MACO1: variants seen among roughly 807,000 people sequenced by gnomAD.
MACO1 encodes the protein macoilin 1.
A neutral mutation model predicts 78.7 loss-of-function variants in MACO1; 14 were observed. The observed-to-expected ratio is 0.18, with a 90% CI of 0.12 to 0.28. MACO1 has a LOEUF of 0.28. Ranked by LOEUF, MACO1 falls within the 10% of genes least tolerant of loss-of-function variation. The pLI is 1.00. For missense variants in MACO1, 501 were observed against 799.0 expected (o/e 0.63, Z 4.50); for synonymous variants, 288 against 291.6 (o/e 0.99, Z 0.12).
In MACO1 at chr1:25,498,664, A is replaced by G. The variant is rs1484376793; in HGVS notation, c.*198A>G. The G allele has an allele frequency of 4.1e-5, 21 of 507,446 alleles. No homozygotes were observed. In the Admixed American group the frequency reaches 7.5e-4, roughly 18 times the overall value. 31.4% of individuals were successfully genotyped at this position (507,446 alleles called of 1,614,324 possible). ...TCAGTTTTTCTTGTAAATTTTTAGA[A>G]GACCTCACAGAACTTTACAGTTTAT... On this transcript the variant is annotated 3_prime_UTR_variant, in exon 11 of 11. Coordinates refer to ENST00000374343, the MANE Select transcript of MACO1 (RefSeq NM_018202.6).
rs34491689 is a variant in MACO1 at position 25,500,011 on chromosome 1, A to C, written c.*1545A>C. On this transcript the variant is annotated 3_prime_UTR_variant, in exon 11 of 11. Transcript: ENST00000374343. ...TTTTGAATCATCTTGTGTAATTGTC[A>C]CCATGAAAGTGTTACTCAGAATTGT... The C allele has an allele frequency of 6.6e-6, 1 of 152,002 alleles. No homozygotes were observed. Among genetic ancestry groups the C allele is most frequent in the African/African-American group, 2.4e-5 (1 of 41,400 alleles). The allele number at this position is 152,002 out of a possible 1,614,324, so 9.4% of individuals were successfully genotyped here. A position where few individuals can be genotyped will look rare whatever the true frequency, so the allele number is the denominator to read the frequency against.
In MACO1 at chr1:25,439,998, A is replaced by G. The variant is rs188610339; in HGVS notation, c.81-6764A>G. On this transcript the variant is annotated intron_variant, in intron 1 of 10. Coordinates refer to ENST00000374343, the MANE Select transcript of MACO1 (RefSeq NM_018202.6). ...GTACCATTGCATTCTAGCCTGGGCA[A>G]CAAGCGAAACTCTGTCTCAAAAAAA... Among the ~76,000 whole-genome samples the G allele has an allele frequency of 8.6e-4, 121 of 140,766 alleles. 1 individual carries two copies. The highest frequency in any genetic ancestry group is 3.5e-3 in the Middle Eastern group (1 of 288). 92.3% of individuals were successfully genotyped at this position (140,766 alleles called of 152,430 possible).
chr1:25,475,367 G>C (rs2043312547), intron 6 of MACO1, among the ~76,000 whole-genome samples: 1 of 151,698 alleles, frequency 6.6e-6, no homozygotes, highest in Admixed American at 6.6e-5. Flanking sequence ...ACAAAAAACA[G>C]GCATTCTCTG....
intron 8 of MACO1, 83 bp from the exon 9 acceptor site, chr1:25,489,090 G>T: frequency 6.7e-7 from 1 of 1,493,462 alleles, no homozygotes; most frequent in East Asian, 2.5e-5. Context: ...CAAAGTGCTG[G>T]GATTACAGGC....
intron 6 of MACO1, among the ~76,000 whole-genome samples, chr1:25,464,641 G>A (rs896376786): frequency 2.9e-5 from 4 of 136,042 alleles, no homozygotes; most frequent in Admixed American, 1.6e-4. Flanking sequence ...CACCGCACCC[G>A]TCTATAATTT....
intron 3 of MACO1, among the ~76,000 whole-genome samples, chr1:25,452,587 C>A (rs2124581000): frequency 6.6e-6 from 1 of 152,136 alleles, no homozygotes; most frequent in South Asian, 2.1e-4. Flanking sequence ...CTTCCTCATT[C>A]TTTAGGAACC....
rs115496727 is a variant in MACO1, at chr1:25,459,631, C to T, written c.1154+739C>T. Among the ~76,000 whole-genome samples, 1,137 of 151,936 alleles carry T rather than the reference C, an allele frequency of 7.5e-3. 16 individuals are homozygous for T. The highest frequency in any genetic ancestry group is 0.026 in the African/African-American group (1,084 of 41,444). Reference sequence around the variant, plus strand: ...CTGGGATTATAGGTGCTTGCCGCCACGCCAGGCTAATTTTTTTGTATTTTT... The same window carrying T: ...CTGGGATTATAGGTGCTTGCCGCCATGCCAGGCTAATTTTTTTGTATTTTT... On this transcript the variant is annotated intron_variant, in intron 6 of 10. Transcript: ENST00000374343.
At chr1:25,475,154 C>T (rs1254709323) in intron 6 of MACO1, among the ~76,000 whole-genome samples, 4 of 151,852 alleles carry the variant, frequency 2.6e-5, no homozygotes, top group African/African-American at 4.8e-5. Flanking sequence ...ACCATCCTGG[C>T]TAACACGGTG....
intron 6 of MACO1, 98 bp downstream of exon 6, chr1:25,458,990 G>A (rs964590631): frequency 2.1e-6 from 3 of 1,438,484 alleles, no homozygotes; most frequent in Admixed American, 4.5e-5. Context: ...TTTGTAATCA[G>A]ATATTGTGAC....
chr1:25,431,803 T>C (rs2042874867), intron 1 of MACO1, among the ~76,000 whole-genome samples: 1 of 152,236 alleles, frequency 6.6e-6, no homozygotes. Context: ...CCTGTGGCCC[T>C]GCTCCAGATT....
intron 6 of MACO1, among the ~76,000 whole-genome samples, chr1:25,462,354 A>G (rs1462156275): frequency 1.3e-5 from 2 of 152,122 alleles, no homozygotes; most frequent in East Asian, 3.9e-4. Flanking sequence ...TTGCAAGGGC[A>G]TATTGCATGA....
At chr1:25,497,443 A>G (rs1043827245) in intron 10 of MACO1, among the ~76,000 whole-genome samples, 11 of 152,072 alleles carry the variant, frequency 7.2e-5, no homozygotes, top group African/African-American at 2.2e-4. Flanking sequence ...GCTCAGGGAA[A>G]GTTTTGCTGA....
At chr1:25,431,444 G>T (rs1251866632) in intron 1 of MACO1, among the ~76,000 whole-genome samples, 1 of 150,118 alleles carries the variant, frequency 6.7e-6, no homozygotes, top group African/African-American at 2.4e-5. Context: ...GAAGCGCCGG[G>T]CCCGCCGGGG....
intron 1 of MACO1, among the ~76,000 whole-genome samples, chr1:25,436,276 A>G (rs2042918456): frequency 6.6e-6 from 1 of 151,062 alleles, no homozygotes; most frequent in African/African-American, 2.5e-5. Context: ...AGATCTCCCC[A>G]CTGATACTGT....
At chr1:25,494,670 G>A (rs916429082) in intron 10 of MACO1, among the ~76,000 whole-genome samples, 1 of 152,182 alleles carries the variant, frequency 6.6e-6, no homozygotes, top group Non-Finnish European at 1.5e-5. Context: ...TGATAAGTAT[G>A]GGGAGGGCGG....
At chr1:25,453,999 T>C (rs2043092788) in intron 3 of MACO1, among the ~76,000 whole-genome samples, 5 of 152,200 alleles carry the variant, frequency 3.3e-5, no homozygotes, top group Admixed American at 3.3e-4. Context: ...AGGAGCTCTT[T>C]GTATGTCAGG....
At chr1:25,490,063 A>T (rs546403865) in intron 9 of MACO1, among the ~76,000 whole-genome samples, 83 of 152,320 alleles carry the variant, frequency 5.4e-4, no homozygotes, top group African/African-American at 1.9e-3. Flanking sequence ...AAAAACAAAG[A>T]ATAAATGAGT....
At chr1:25,447,547 G>A (rs188248020) in intron 2 of MACO1, among the ~76,000 whole-genome samples, 1 of 152,234 alleles carries the variant, frequency 6.6e-6, no homozygotes, top group East Asian at 1.9e-4. Flanking sequence ...GAATATAGAA[G>A]AGTGGCTCCA....
chr1:25,498,049 AG>A (rs2043553127), intron 10 of MACO1, among the ~76,000 whole-genome samples: 1 of 152,236 alleles, frequency 6.6e-6, no homozygotes, highest in Non-Finnish European at 1.5e-5. Flanking sequence ...ATGGCTGGGA[AG>A]AAAAGATGAC....
Sources: gnomAD v4.1 joint callset for allele counts (sites outside exome capture counted in the v4.1 genomes callset) on GRCh38, gnomAD v4.1.1 for gene constraint, MANE v1.5 for transcripts, NCBI Gene and HGNC (gene_info 2026-07-23, HGNC 2026-07-21) for gene names.